The following DYNC2I1 variants were observed in gnomAD, a reference collection of about 807,000 sequenced individuals.
DYNC2I1 encodes dynein 2 intermediate chain 1.
DYNC2I1 carries 89 observed loss-of-function variants against 133.4 expected under a neutral mutation model. That is an observed-to-expected ratio of 0.67 (90% CI 0.56 to 0.80). The LOEUF (loss-of-function observed/expected upper bound fraction) is 0.80, where lower values mean the gene tolerates loss of function less well. Ranked by LOEUF, DYNC2I1 falls within the 30% of genes least tolerant of loss-of-function variation. The pLI, the probability that DYNC2I1 is intolerant of heterozygous loss-of-function variation, is 0.00. For missense variants in DYNC2I1, 1,291 were observed against 1,314.5 expected (o/e 0.98, Z 0.28); for synonymous variants, 504 against 484.3 (o/e 1.04, Z -0.54).
intron 14 of DYNC2I1, among the ~76,000 whole-genome samples, chr7:158,918,065 C>G (rs1259089002): frequency 6.6e-6 from 1 of 152,114 alleles, no homozygotes; most frequent in Non-Finnish European, 1.5e-5. Context: ...TCCCGCCCTC[C>G]CATATTCTGT....
chr7:158,878,008 G>A (rs1195074445), intron 4 of DYNC2I1, among the ~76,000 whole-genome samples: 1 of 152,246 alleles, frequency 6.6e-6, no homozygotes, highest in African/African-American at 2.4e-5. Flanking sequence ...AGGGCTGACT[G>A]TGAGTGCCGG....
chr7:158,923,434 G>C, intron 16 of DYNC2I1, 137 bp from the exon 17 acceptor site: 3 of 1,158,588 alleles, frequency 2.6e-6, no homozygotes, highest in South Asian at 1.3e-5. Flanking sequence ...AGGAGTCTAC[G>C]TTCTGCTTAC....
chr7:158,865,487 C>T (rs569963920), intron 1 of DYNC2I1, among the ~76,000 whole-genome samples: 1 of 152,192 alleles, frequency 6.6e-6, no homozygotes, highest in Non-Finnish European at 1.5e-5. Flanking sequence ...TGCTGGGCAG[C>T]CGCTCATCTC....
the DYNC2I1 span, among the ~76,000 whole-genome samples, chr7:158,842,791 G>A: frequency 8.4e-4 from 128 of 152,362 alleles, no homozygotes; most frequent in African/African-American, 3.0e-3. Flanking sequence ...TCTGAAGCAA[G>A]TAGAAAGATA....
In DYNC2I1 at chr7:158,945,133, C is replaced by G. The variant is rs1851748695; in HGVS notation, c.3003-448C>G. 6.6e-6 allele frequency among the ~76,000 whole-genome samples: 1 copy of G among 152,012 alleles called. No homozygotes were observed. The highest frequency in any genetic ancestry group is 6.6e-5 in the Admixed American group (1 of 15,258). The stretch of plus-strand genomic sequence containing the variant: ...TGGGTGGATGATGGAGGTGCTGGTC[C>G]CATGGAGGCCAGGAGTGGAGGGGTC... On this transcript the variant is annotated intron_variant, in intron 24 of 24. Transcript: ENST00000407559. The surrounding 1 kb of genome is among the most constrained non-coding windows in gnomAD (Gnocchi z 4.1).
Position 158,879,744 on chromosome 7 carries a change from G to T in DYNC2I1, c.634G>T (p.Glu212Ter). The change falls in exon 5 of 25, where the codon GAG becomes TAG. Residue 212 changes from glutamate to a stop codon, truncating the protein, a stop_gained. Coordinates refer to ENST00000407559, the MANE Select transcript of DYNC2I1 (RefSeq NM_018051.5). LOFTEE classifies it high-confidence loss of function. ...LKYWLYKEEG[E>*]RRHRKPREPD... ...GTACTGGCTTTATAAAGAAGAAGGC[G>T]AGAGGAGACACAGGAAGCCCAGAGA... 6.2e-7 allele frequency: 1 copy of T among 1,606,008 alleles called. No individual in the cohort carries two copies. The highest frequency in any genetic ancestry group is 1.1e-5 in the South Asian group (1 of 90,790).
At chr7:158,902,299 C>T in intron 9 of DYNC2I1, 77 bp from the exon 10 acceptor site, 1 of 1,178,574 alleles carries the variant, frequency 8.5e-7, no homozygotes, top group Non-Finnish European at 1.2e-6. Context: ...TATAAAGTGT[C>T]ATGTTTTGTT....
chr7:158,839,359 A>G, the DYNC2I1 span, among the ~76,000 whole-genome samples: 164 of 123,324 alleles, frequency 1.3e-3, no homozygotes, highest in South Asian at 2.3e-3. Flanking sequence ...GGATGCTAAT[A>G]TGACTCCGTA....
chr7:158,906,324 A>G (rs1396087512), intron 11 of DYNC2I1, among the ~76,000 whole-genome samples: 2 of 152,224 alleles, frequency 1.3e-5, no homozygotes, highest in Admixed American at 6.5e-5. Context: ...TGTGGCGGAC[A>G]GTTGGAGCTA....
At chr7:158,922,107 G>A (rs1212883204) in intron 15 of DYNC2I1, among the ~76,000 whole-genome samples, 3 of 152,194 alleles carry the variant, frequency 2.0e-5, no homozygotes, top group Non-Finnish European at 4.4e-5. Flanking sequence ...GTGGGCAGCT[G>A]GTTTCTGTGG....
At chr7:158,924,531 G>A (rs1245410721) in intron 17 of DYNC2I1, among the ~76,000 whole-genome samples, 9 of 152,186 alleles carry the variant, frequency 5.9e-5, no homozygotes, top group Admixed American at 5.9e-4. Flanking sequence ...ACCATGAATT[G>A]TGCCCCTCTG....
At chr7:158,952,827 G>C (rs371950858) in intron 4 of DYNC2I1, among the ~76,000 whole-genome samples, 2 of 128,438 alleles carry the variant, frequency 1.6e-5, no homozygotes, top group African/African-American at 5.1e-5. Context: ...CGTGGGCTCA[G>C]CCTGAGGGGA....
At chr7:158,934,627 C>G in intron 23 of DYNC2I1, 78 bp downstream of exon 23, 1 of 1,433,078 alleles carries the variant, frequency 7.0e-7, no homozygotes, top group Non-Finnish European at 9.4e-7. Context: ...GTCACCCAAG[C>G]TGGAGTGCAG....
chr7:158,863,596 G>A (rs570706522), intron 1 of DYNC2I1, among the ~76,000 whole-genome samples: 87 of 129,838 alleles, frequency 6.7e-4, no homozygotes, highest in Non-Finnish European at 1.2e-3. Context: ...GGGGGGCGGT[G>A]AGCCGGACGT....
chr7:158,845,008 T>G, the DYNC2I1 span, among the ~76,000 whole-genome samples: 237 of 152,272 alleles, frequency 1.6e-3, 1 homozygote, highest in Non-Finnish European at 2.9e-3. Flanking sequence ...CCCAACCATC[T>G]AGATGGACCT....
Position 158,909,668 on chromosome 7 carries a change from G to C in DYNC2I1, c.1461-1882G>C, listed in dbSNP as rs560212632. Among the ~76,000 whole-genome samples, 4 of 152,234 alleles carry C rather than the reference G, an allele frequency of 2.6e-5. No homozygotes were observed. The East Asian group carries it at 5.8e-4, about 22-fold the overall frequency. ...GATTGAATATACCGGAGCAACCAAG[G>C]CCGCTGGGCCCTGAAGAGCCGAGGT... On this transcript the variant is annotated intron_variant, in intron 11 of 24. Transcript: ENST00000407559.
chr7:158,926,124 A>T (rs1003974924), intron 17 of DYNC2I1, 63 bp from the exon 18 acceptor site: 4 of 1,285,548 alleles, frequency 3.1e-6, no homozygotes, highest in Non-Finnish European at 4.4e-6. Context: ...TCCCTGTGTG[A>T]TGCGAACTGC....
chr7:158,957,079 T>TGCC (rs1357368717), downstream of DYNC2I1, among the ~76,000 whole-genome samples: 2 of 152,250 alleles, frequency 1.3e-5, no homozygotes, highest in African/African-American at 2.4e-5. Flanking sequence ...CTGCTGCTGC[T>TGCC]GCCGGCCTGG....
In DYNC2I1 at chr7:158,923,617, C is replaced by T. The variant is rs1254762891; in HGVS notation, c.2141C>T (p.Ala714Val). ...LSPLKAFLLF[A>V]GTAHGSVVVW... ...CCTTTGAAAGCATTTTTACTGTTTG[C>T]CGGAACAGCGCACGGCTCAGTTGTC... is the stretch of plus-strand genomic sequence containing the variant. The change falls in exon 17 of 25, where the codon GCC becomes GTC. Residue 714 changes from alanine to valine, a missense_variant. By Grantham distance (64) the Ala-to-Val change is moderately conservative. Transcript: ENST00000407559. The T allele has an allele frequency of 1.2e-6, 2 of 1,613,996 alleles. No individual in the cohort carries two copies. Among genetic ancestry groups the T allele is most frequent in the Admixed American group, 3.3e-5 (2 of 60,016 alleles).
Sources: allele counts gnomAD v4.1 joint callset (sites outside exome capture counted in the v4.1 genomes callset), GRCh38; gene constraint gnomAD v4.1.1; non-coding constraint Gnocchi (gnomAD v3.1); transcripts MANE v1.5; gene names NCBI Gene and HGNC (gene_info 2026-07-23, HGNC 2026-07-21).